INTS1: variants seen among roughly 807,000 people sequenced by gnomAD.
The protein encoded by INTS1 is integrator complex subunit 1.
A neutral mutation model predicts 241.6 loss-of-function variants in INTS1; 137 were observed. That is an observed-to-expected ratio of 0.57 (90% CI 0.49 to 0.65). The LOEUF is 0.65. INTS1 is among the 30% of genes least tolerant of loss of function. The pLI is 0.00. For synonymous variants in INTS1, 1,692 were observed against 1,337.8 expected, an observed-to-expected ratio of 1.26 and a Z score of -5.78; for missense variants, 3,073 against 3,032.2, an observed-to-expected ratio of 1.01 and a Z score of -0.32.
At chr7:1,484,468 C>T (rs940613560) in intron 24 of INTS1, among the ~76,000 whole-genome samples, 3 of 152,206 alleles carry the variant, frequency 2.0e-5, no homozygotes, top group African/African-American at 7.2e-5. Context: ...TCCCTGAGGA[C>T]TCGGGCCACC....
chr7:1,473,796 G>T, intron 41 of INTS1, 103 bp from the exon 42 acceptor site: 1 of 1,416,300 alleles, frequency 7.1e-7, no homozygotes, highest in Non-Finnish European at 9.7e-7. Context: ...GGACCCCACA[G>T]CCAACGAGCC....
rs972194496 is a variant in INTS1, at chr7:1,470,855, G to C, written c.6448C>G (p.Leu2150Val). 1.9e-6 allele frequency: 3 copies of C among 1,589,256 alleles called. No individual in the cohort carries two copies. In the Admixed American group the frequency reaches 5.3e-5, roughly 28 times the overall value. ...ALRNLPEYALLCQEHAAVLLH... is the reference protein window; with the variant it reads ...ALRNLPEYALVCQEHAAVLLH... ...GGGGGCCAGTCCTCACCTTGGCACA[G>C]GAGAGCGTACTCAGGCAGGTTCCGG... Residue 2150 changes from leucine to valine, a missense_variant, in exon 47 of 48, where the codon CTG becomes GTG. Transcript: ENST00000404767.
At chr7:1,476,164 G>GC in intron 38 of INTS1, 65 bp downstream of exon 38, 1 of 1,526,240 alleles carries the variant, frequency 6.6e-7, no homozygotes, top group Non-Finnish European at 8.8e-7. Context: ...CCCACCCAGG[G>GC]CTGGGCCTCG....
At position 1,477,464 on chromosome 7, in the gene INTS1, C is replaced by T. The variant is rs1781776400; in HGVS notation, c.4938+86G>A. The T allele has an allele frequency of 1.5e-5, 22 of 1,423,684 alleles. No individual in the cohort carries two copies. In the South Asian group the frequency reaches 2.3e-4, roughly 15 times the overall value. 88.2% of individuals were successfully genotyped at this position (1,423,684 alleles called of 1,614,324 possible). ...GGGGTGCTGGGGCCCCTGCAAGGCT[C>T]GCCCAGGCCAAGGCTGCTGCACTTC... On this transcript the variant is annotated intron_variant, in intron 35 of 47. Transcript: ENST00000404767.
rs1402873696 is a variant in INTS1 at position 1,478,363 on chromosome 7, T to C, written c.4630+3A>G. ...GCCCAAGAGGATGGTGCCAGGAAGG[T>C]ACCTTTGCTGATCAGGTCCGGCTCC... On this transcript the variant is annotated splice_donor_region_variant and intron_variant, in intron 33 of 47. Coordinates refer to ENST00000404767, the MANE Select transcript of INTS1 (RefSeq NM_001080453.3). 1.9e-6 allele frequency: 3 copies of C among 1,612,046 alleles called. No individual in the cohort carries two copies. Among genetic ancestry groups the C allele is most frequent in the South Asian group, 2.2e-5 (2 of 91,064 alleles).
Position 1,485,362 on chromosome 7 carries a change from C to T in INTS1, c.3084G>A (p.Trp1028Ter), listed in dbSNP as rs751873514. ...GDTDVLQGYQ[W>*]LLRDLPRLPL... ...GCAGGCGAGGCAGGTCCCGCAGCAGCCACTGATAGCCCTGCAGCACATCTG... is the reference window on the plus strand; with the variant it reads ...GCAGGCGAGGCAGGTCCCGCAGCAGTCACTGATAGCCCTGCAGCACATCTG... The change falls in exon 23 of 48, where the codon TGG (tryptophan) becomes TGA (stop). Residue 1028 changes from tryptophan to a stop codon, truncating the protein, a stop_gained. Coordinates refer to ENST00000404767, the MANE Select transcript of INTS1 (RefSeq NM_001080453.3). LOFTEE classifies it high-confidence loss of function. 7 of 1,612,550 alleles carry T rather than the reference C, an allele frequency of 4.3e-6. No homozygotes were observed. The highest frequency in any genetic ancestry group is 1.7e-5 in the Admixed American group (1 of 60,004).
chr7:1,491,353 G>A (rs2128541028), intron 16 of INTS1, among the ~76,000 whole-genome samples: 1 of 152,322 alleles, frequency 6.6e-6, no homozygotes, highest in Admixed American at 6.5e-5. Context: ...GGAAAGACAG[G>A]CTTTCAACAG....
rs757066032 is a variant in INTS1, at chr7:1,470,650, A to G, written c.6500T>C (p.Met2167Thr). The G allele has an allele frequency of 1.3e-6, 2 of 1,586,562 alleles. No homozygotes were observed. Among genetic ancestry groups the G allele is most frequent in the South Asian group, 1.1e-5 (1 of 87,390 alleles). Reference protein sequence around the residue: ...VLLHRAFLVGMYGQMDPSAQI... With the variant: ...VLLHRAFLVGTYGQMDPSAQI... ...CGCGCTGGGGTCCATCTGGCCGTAC[A>G]TGCCCACCAGGAAGGCCCGGTGGAG... Residue 2167 changes from methionine to threonine, a missense_variant, in exon 48 of 48, where the codon ATG (methionine) becomes ACG (threonine). By Grantham distance (81) the Met-to-Thr change is moderately conservative. Transcript: ENST00000404767.
rs1353147247 is a variant in INTS1, at chr7:1,470,834, G to T, written c.6457+12C>A. 6.4e-7 allele frequency: 1 copy of T among 1,570,264 alleles called. No individual in the cohort carries two copies. Among genetic ancestry groups the T allele is most frequent in the Non-Finnish European group, 8.6e-7 (1 of 1,157,444 alleles). On this transcript the variant is annotated intron_variant, in intron 47 of 47. Coordinates refer to ENST00000404767, the MANE Select transcript of INTS1 (RefSeq NM_001080453.3). ...GGGCTGCCAGGGCCCTGGGCGGGGG[G>T]CCAGTCCTCACCTTGGCACAGGAGA...
Position 1,487,868 on chromosome 7 carries a change from T to A in INTS1, c.2408A>T (p.Lys803Met), listed in dbSNP as rs757156222. Reference protein sequence around the residue: ...NRELQTAQREKQEILAFEGHL... With the variant: ...NRELQTAQREMQEILAFEGHL... Reference sequence around the variant, plus strand: ...CCCCTCGAAGGCCAGGATCTCCTGCTTCTCCCGCTGGGCGGTCTGCAGCTC... The same window carrying A: ...CCCCTCGAAGGCCAGGATCTCCTGCATCTCCCGCTGGGCGGTCTGCAGCTC... The change falls in exon 19 of 48, where the codon AAG becomes ATG. Residue 803 changes from lysine to methionine, a missense_variant. By Grantham distance (95) the Lys-to-Met change is moderately conservative (BLOSUM62 -1). Transcript: ENST00000404767. 14 of 1,613,482 alleles carry A rather than the reference T, an allele frequency of 8.7e-6. No homozygotes were observed. The highest frequency in any genetic ancestry group is 1.2e-5 in the Non-Finnish European group (14 of 1,179,862).
Position 1,476,240 on chromosome 7 carries a change from C to T in INTS1, c.5367G>A (p.Gln1789=), listed in dbSNP as rs773586708. 2.2e-5 allele frequency: 34 copies of T among 1,555,954 alleles called. No homozygotes were observed. The Admixed American group carries it at 6.6e-4, about 30-fold the overall frequency. The change falls in exon 38 of 48, where the codon CAG becomes CAA. Residue 1789 remains glutamine, a synonymous_variant. Coordinates refer to ENST00000404767, the MANE Select transcript of INTS1 (RefSeq NM_001080453.3). ...GGGGGCCTGAGCACCTGTCTCCCCACTGCTGGATGCAGCCTGACAGGTGCT... is the reference window on the plus strand; with the variant it reads ...GGGGGCCTGAGCACCTGTCTCCCCATTGCTGGATGCAGCCTGACAGGTGCT... ...VTEHLSGCIQ[Q]WGDSVLGRRC...
chr7:1,477,079 G>A (rs899034320), intron 35 of INTS1, among the ~76,000 whole-genome samples, 161 bp from the exon 36 acceptor site: 4 of 152,200 alleles, frequency 2.6e-5, no homozygotes, highest in Non-Finnish European at 5.9e-5. Context: ...CGCTCCTGGT[G>A]GCTGCGCTGC....
chr7:1,487,969 C>G lies in INTS1; in HGVS notation c.2319-12G>C, dbSNP rs192205205. 1 of 1,612,188 alleles carries G rather than the reference C, an allele frequency of 6.2e-7. No homozygotes were observed. Among genetic ancestry groups the G allele is most frequent in the Non-Finnish European group, 8.5e-7 (1 of 1,179,328 alleles). Reference sequence around the variant, plus strand: ...GGTAGGAGTAGTTGCTAGGGCCAGACGGGGGAGCGTGTCACCCTGCCCCCC... The same window carrying G: ...GGTAGGAGTAGTTGCTAGGGCCAGAGGGGGGAGCGTGTCACCCTGCCCCCC... On this transcript the variant is annotated splice_polypyrimidine_tract_variant and intron_variant, in intron 18 of 47. Coordinates refer to ENST00000404767, the MANE Select transcript of INTS1 (RefSeq NM_001080453.3).
intron 43 of INTS1, among the ~76,000 whole-genome samples, chr7:1,472,804 G>T (rs996926508): frequency 3.3e-5 from 5 of 150,860 alleles, no homozygotes; most frequent in South Asian, 2.1e-4. Flanking sequence ...CTGGTGGATG[G>T]TGGATGTGCC....
rs550057502 is a variant in INTS1 at position 1,485,402 on chromosome 7, T to G, written c.3044A>C (p.Glu1015Ala). ...DGEEKEPPME[E>A]DVGDTDVLQG... ...CAGCACATCTGTGTCCCCCACATCC[T>G]CCTCCATGGGGGGCTCCTTCTCCTC... The change falls in exon 23 of 48, where the codon GAG becomes GCG. Residue 1015 changes from glutamate (E) to alanine (A), a missense_variant. Glu to Ala is a moderately radical substitution (Grantham distance 107). Coordinates refer to ENST00000404767, the MANE Select transcript of INTS1 (RefSeq NM_001080453.3). 1 of 1,612,658 alleles carries G rather than the reference T, an allele frequency of 6.2e-7. No homozygotes were observed. Among genetic ancestry groups the G allele is most frequent in the African/African-American group, 1.3e-5 (1 of 75,036 alleles).
Position 1,485,147 on chromosome 7 carries a change from G to A in INTS1, c.3212C>T (p.Ser1071Phe). The change falls in exon 24 of 48, where the codon TCC becomes TTC. Residue 1071 changes from serine to phenylalanine, a missense_variant. By Grantham distance (155) the Ser-to-Phe change is radical (BLOSUM62 -2). Transcript: ENST00000404767. ...QTISAYLIYL[S>F]QHTPVEEQAQ... ...CTGCTCCTCCACAGGCGTGTGCTGG[G>A]ACAAGTAGATCAGGTAGGCGCTGAT... 6.2e-7 allele frequency: 1 copy of A among 1,601,228 alleles called. No individual in the cohort carries two copies. The highest frequency in any genetic ancestry group is 8.5e-7 in the Non-Finnish European group (1 of 1,179,640).
intron 23 of INTS1, 24 bp from the exon 24 acceptor site, chr7:1,485,226 G>A (rs111525228): frequency 0.047 from 75,728 of 1,598,574 alleles, 3,089 homozygotes; most frequent in Admixed American, 0.21. Context: ...TGGTCTGAGC[G>A]GCAACAGGGC....
chr7:1,484,281 C>A, intron 24 of INTS1, 111 bp from the exon 25 acceptor site: 1 of 1,156,260 alleles, frequency 8.6e-7, no homozygotes, highest in South Asian at 1.5e-5. Context: ...GCAGGGCCCG[C>A]GGCACCGCAG....
Position 1,482,976 on chromosome 7 carries a change from G to A in INTS1, c.3542-269C>T, listed in dbSNP as rs922055158. On this transcript the variant is annotated intron_variant, in intron 26 of 47. Coordinates refer to ENST00000404767, the MANE Select transcript of INTS1 (RefSeq NM_001080453.3). ...GGGGACATGTGCGTGTCCCCATCCAGCCCCTGCCCTCGGGGCTTTGCTTGG... is the reference window on the plus strand; with the variant it reads ...GGGGACATGTGCGTGTCCCCATCCAACCCCTGCCCTCGGGGCTTTGCTTGG... The A allele has an allele frequency of 2.0e-5, 9 of 450,346 alleles. No individual in the cohort carries two copies. The East Asian group carries it at 2.8e-4, about 14-fold the overall frequency. 27.9% of individuals were successfully genotyped at this position (450,346 alleles called of 1,614,324 possible).
Sources: gnomAD v4.1 joint callset for allele counts (sites outside exome capture counted in the v4.1 genomes callset) on GRCh38, gnomAD v4.1.1 for gene constraint, MANE v1.5 for transcripts, NCBI Gene and HGNC (gene_info 2026-07-23, HGNC 2026-07-21) for gene names.